REV1: variants seen among roughly 807,000 people sequenced by gnomAD.
REV1 encodes translesion synthesis protein REV1.
REV1 carries 42 observed loss-of-function variants against 137.4 expected under a neutral mutation model. That is an observed-to-expected ratio of 0.31 (90% CI 0.24 to 0.40). The LOEUF (loss-of-function observed/expected upper bound fraction) is 0.40, where lower values mean the gene tolerates loss of function less well. Ranked by LOEUF, REV1 falls within the 10% of genes least tolerant of loss-of-function variation. The pLI is 1.00. For synonymous variants in REV1, 524 were observed against 519.2 expected (o/e 1.01, Z -0.12); for missense variants, 1,282 against 1,490.1 (o/e 0.86, Z 2.30).
chr2:99,442,395 A>T lies in REV1; in HGVS notation c.425T>A (p.Leu142His). Residue 142 changes from leucine (L) to histidine (H), a missense_variant, in exon 5 of 23, where the codon CTC becomes CAC. Physicochemically the swap from Leu to His is moderately conservative, Grantham distance 99. Coordinates refer to ENST00000258428, the MANE Select transcript of REV1 (RefSeq NM_016316.4). Reference protein sequence around the residue: ...YTKQSSVQKGLSFNPVCRPED... With the variant: ...YTKQSSVQKGHSFNPVCRPED... The stretch of plus-strand genomic sequence containing the variant: ...AGGTCTGCATACAGGATTAAAGCTG[A>T]GACCTTTCTGCACACTGGACTGCTT... The T allele has an allele frequency of 6.2e-7, 1 of 1,613,910 alleles. No homozygotes were observed. The highest frequency in any genetic ancestry group is 8.5e-7 in the Non-Finnish European group (1 of 1,179,898).
At chr2:99,480,964 A>G (rs1464153269) in intron 1 of REV1, among the ~76,000 whole-genome samples, 1 of 152,262 alleles carries the variant, frequency 6.6e-6, no homozygotes, top group East Asian at 1.9e-4. Flanking sequence ...AGTGAGTTCC[A>G]AGATAATTCA....
At chr2:99,404,383 A>C in intron 18 of REV1, 61 bp downstream of exon 18, 1 of 1,400,432 alleles carries the variant, frequency 7.1e-7, no homozygotes, top group Non-Finnish European at 1.0e-6. Flanking sequence ...ACAGGTCCTA[A>C]GTTGGAGCAG....
At chr2:99,480,067 T>C (rs1686449388) in intron 1 of REV1, among the ~76,000 whole-genome samples, 1 of 152,144 alleles carries the variant, frequency 6.6e-6, no homozygotes, top group African/African-American at 2.4e-5. Flanking sequence ...CACCTGTATC[T>C]CAGCACTTTG....
chr2:99,479,811 C>T (rs1348709775), intron 1 of REV1, among the ~76,000 whole-genome samples: 2 of 151,492 alleles, frequency 1.3e-5, no homozygotes, highest in East Asian at 3.9e-4. Flanking sequence ...AATACAAGAT[C>T]CTGCATTATA....
At chr2:99,430,554 A>G (rs1376035045) in intron 8 of REV1, among the ~76,000 whole-genome samples, 1 of 152,200 alleles carries the variant, frequency 6.6e-6, no homozygotes, top group African/African-American at 2.4e-5. Flanking sequence ...GCTACAGGTA[A>G]TTGTATTTTG....
intron 3 of REV1, among the ~76,000 whole-genome samples, chr2:99,456,465 G>A (rs1262854711): frequency 1.3e-5 from 2 of 152,200 alleles, no homozygotes. Flanking sequence ...GATAGGTGAA[G>A]TCAGGGAAGG....
intron 3 of REV1, among the ~76,000 whole-genome samples, chr2:99,461,904 A>G (rs1479323946): frequency 6.6e-6 from 1 of 152,210 alleles, no homozygotes; most frequent in African/African-American, 2.4e-5. Flanking sequence ...AAGAATAAAG[A>G]CTACACTACC....
chr2:99,452,225 G>A (rs1368384662), intron 3 of REV1, among the ~76,000 whole-genome samples: 1 of 152,000 alleles, frequency 6.6e-6, no homozygotes, highest in Non-Finnish European at 1.5e-5. Context: ...AGGAATTCAA[G>A]ACCAGCCTGG....
chr2:99,441,283 T>A (rs1681458334), intron 5 of REV1, among the ~76,000 whole-genome samples: 1 of 152,118 alleles, frequency 6.6e-6, no homozygotes, highest in Non-Finnish European at 1.5e-5. Context: ...GCAGTGATAC[T>A]GGATCCTCTC....
intron 1 of REV1, among the ~76,000 whole-genome samples, chr2:99,467,013 T>C (rs1684886770): frequency 6.6e-6 from 1 of 152,160 alleles, no homozygotes; most frequent in Non-Finnish European, 1.5e-5. Context: ...AGTAAAGAGT[T>C]TGGGAGTTCT....
rs138292917 is a variant in REV1, at chr2:99,403,829, C to T, written c.3046-14G>A. On this transcript the variant is annotated splice_polypyrimidine_tract_variant and intron_variant, in intron 18 of 22. Coordinates refer to ENST00000258428, the MANE Select transcript of REV1 (RefSeq NM_016316.4). The stretch of plus-strand genomic sequence containing the variant: ...CTCAGGGTCCACCTAGTGGAAAAGA[C>T]GAGGTCAAAGTCAAACCTGAGCTAA... The T allele has an allele frequency of 4.1e-3, 6,636 of 1,613,532 alleles. 17 individuals are homozygous for T. Among genetic ancestry groups the T allele is most frequent in the Non-Finnish European group, 4.9e-3 (5,802 of 1,179,760 alleles).
rs915372801 is a variant in REV1, at chr2:99,459,081, A to G, written c.181+3415T>C. ...AAATTAGCCAGGCGTGGTGGTGGCC[A>G]CCTGTAGTCCCAGCTACTCGGGAGG... On this transcript the variant is annotated intron_variant, in intron 3 of 22. Transcript: ENST00000258428. Among the ~76,000 whole-genome samples, 22 of 152,066 alleles carry G rather than the reference A, an allele frequency of 1.4e-4. No homozygotes were observed. The South Asian group carries it at 2.5e-3, about 17-fold the overall frequency.
chr2:99,431,195 G>A (rs1009118707), intron 8 of REV1, among the ~76,000 whole-genome samples: 2 of 152,046 alleles, frequency 1.3e-5, no homozygotes, highest in East Asian at 1.9e-4. Context: ...TCTGGATTTC[G>A]GCAACCATAT....
At chr2:99,480,879 A>C (rs1686536792) in intron 1 of REV1, among the ~76,000 whole-genome samples, 1 of 152,244 alleles carries the variant, frequency 6.6e-6, no homozygotes, top group South Asian at 2.1e-4. Context: ...AAAACATTAC[A>C]ACATGCTACA....
intron 1 of REV1, among the ~76,000 whole-genome samples, chr2:99,472,840 A>G (rs1365833374): frequency 6.6e-6 from 1 of 152,232 alleles, no homozygotes; most frequent in Non-Finnish European, 1.5e-5. Flanking sequence ...ATGTGCTCTT[A>G]TTCTGTCCTT....
intron 11 of REV1, 36 bp downstream of exon 11, chr2:99,421,463 C>G: frequency 6.4e-7 from 1 of 1,556,322 alleles, no homozygotes; most frequent in African/African-American, 1.4e-5. Flanking sequence ...AATCTCAAAG[C>G]AACTCTTTTG....
At chr2:99,459,204 T>C (rs529485774) in intron 3 of REV1, among the ~76,000 whole-genome samples, 19 of 92,872 alleles carry the variant, frequency 2.0e-4, no homozygotes, top group African/African-American at 1.0e-3. Context: ...TGAGACTCTG[T>C]CTCAAAAAAA....
At position 99,402,872 on chromosome 2, in the gene REV1, C is replaced by G; in HGVS notation, c.3384+17G>C. 6.2e-7 allele frequency: 1 copy of G among 1,613,004 alleles called. No homozygotes were observed. The highest frequency in any genetic ancestry group is 8.5e-7 in the Non-Finnish European group (1 of 1,179,618). On this transcript the variant is annotated intron_variant, in intron 20 of 22. Coordinates refer to ENST00000258428, the MANE Select transcript of REV1 (RefSeq NM_016316.4). ...AGGTATATTAAGATCTCATAAAGGT[C>G]AAAGTTAAGGAATTACCAGGGGTTT... is the stretch of plus-strand genomic sequence containing the variant.
At chr2:99,459,027 T>C (rs1303605512) in intron 3 of REV1, among the ~76,000 whole-genome samples, 4 of 152,012 alleles carry the variant, frequency 2.6e-5, no homozygotes, top group African/African-American at 9.7e-5. Context: ...GCTAACACGG[T>C]GAAACCCCGT....
Sources: allele counts gnomAD v4.1 joint callset (sites outside exome capture counted in the v4.1 genomes callset), GRCh38; gene constraint gnomAD v4.1.1; transcripts MANE v1.5; gene names NCBI Gene and HGNC (gene_info 2026-07-23, HGNC 2026-07-21).